SMIM36: variants seen among roughly 807,000 people sequenced by gnomAD.
SMIM36 encodes small integral membrane protein 36.
chr17:55,492,011 T>C (rs1909714796), intron 1 of SMIM36, among the ~76,000 whole-genome samples: 1 of 151,446 alleles, frequency 6.6e-6, no homozygotes, highest in Non-Finnish European at 1.5e-5. Context: ...CACAAAAAAT[T>C]AGCTGGGCGT....
chr17:55,480,805 A>C (rs949682587), intron 1 of SMIM36, among the ~76,000 whole-genome samples: 2 of 152,170 alleles, frequency 1.3e-5, no homozygotes, highest in East Asian at 3.9e-4. Flanking sequence ...GCATTGCCTC[A>C]TGATCATCAC....
At chr17:55,494,326 T>TA (rs60572545) in intron 1 of SMIM36, among the ~76,000 whole-genome samples, 7,472 of 152,184 alleles carry the variant, frequency 0.049, 277 homozygotes, top group African/African-American at 0.095. Context: ...CTTTGTGTAT[T>TA]AAAAAACTCA....
intron 4 of SMIM36, among the ~76,000 whole-genome samples, chr17:55,466,481 T>A (rs1315027661): frequency 6.6e-6 from 1 of 151,922 alleles, no homozygotes; most frequent in Non-Finnish European, 1.5e-5. Flanking sequence ...ACAAAAGAAG[T>A]TACAAATAAT....
intron 1 of SMIM36, among the ~76,000 whole-genome samples, chr17:55,488,099 A>G (rs1334991311): frequency 2.0e-5 from 3 of 152,242 alleles, no homozygotes; most frequent in Admixed American, 6.5e-5. Flanking sequence ...GAGGGCAATG[A>G]CATGGCCCAG....
chr17:55,488,211 G>C (rs1306860794), intron 1 of SMIM36, among the ~76,000 whole-genome samples: 3 of 152,208 alleles, frequency 2.0e-5, no homozygotes, highest in Non-Finnish European at 4.4e-5. Context: ...TTCTGCAGTA[G>C]AGACTGGAAA....
chr17:55,496,300 G>A (rs1186112395), intron 1 of SMIM36, among the ~76,000 whole-genome samples: 1 of 152,066 alleles, frequency 6.6e-6, no homozygotes, highest in Non-Finnish European at 1.5e-5. Context: ...AATTGCAGTT[G>A]AGGCCACCAG....
intron 3 of SMIM36, among the ~76,000 whole-genome samples, chr17:55,473,899 C>T (rs564199429): frequency 7.2e-5 from 11 of 152,228 alleles, no homozygotes; most frequent in Admixed American, 3.9e-4. Flanking sequence ...GACAGCCCGG[C>T]GCGTCACCCT....
the SMIM36 span, among the ~76,000 whole-genome samples, chr17:55,525,169 A>T: frequency 6.6e-6 from 1 of 152,212 alleles, no homozygotes; most frequent in African/African-American, 2.4e-5. Context: ...TGTAACATTG[A>T]GATGTGCTAG....
rs560650506 is a variant in SMIM36 at position 55,501,819 on chromosome 17, G to A, written c.*174+9060C>T. On this transcript the variant is annotated intron_variant, in intron 1 of 4. Coordinates refer to ENST00000636752, the Ensembl canonical transcript of SMIM36. ...TTTCTGCATTTCCATCTGAGGTACC[G>A]GGTTCATCTCACTAGGGAGTGCCAG... is the stretch of plus-strand genomic sequence containing the variant. Among the ~76,000 whole-genome samples the A allele has an allele frequency of 1.0e-2, 1,511 of 151,212 alleles. 17 individuals are homozygous for A. Among genetic ancestry groups the A allele is most frequent in the African/African-American group, 0.034 (1,415 of 41,122 alleles).
At chr17:55,488,965 G>T (rs897212180) in intron 1 of SMIM36, among the ~76,000 whole-genome samples, 1 of 151,958 alleles carries the variant, frequency 6.6e-6, no homozygotes, top group Non-Finnish European at 1.5e-5. Flanking sequence ...TATGGGTCTG[G>T]CAAATATCCA....
At chr17:55,511,055 A>G in exon 1 of SMIM36, 1 of 398,456 alleles carries the variant, frequency 2.5e-6, no homozygotes, top group East Asian at 3.6e-5. Flanking sequence ...AGCCAGCCTC[A>G]TACCATGGTG....
At chr17:55,469,239 C>T (rs531162154) in intron 3 of SMIM36, among the ~76,000 whole-genome samples, 3 of 152,278 alleles carry the variant, frequency 2.0e-5, no homozygotes, top group Admixed American at 2.0e-4. Flanking sequence ...CTTACAGTTT[C>T]GTTCCGCGAC....
chr17:55,501,715 TC>T (rs1312139085), intron 1 of SMIM36, among the ~76,000 whole-genome samples: 2 of 122,950 alleles, frequency 1.6e-5, no homozygotes, highest in African/African-American at 6.5e-5. Context: ...ATACATACAT[TC>T]GGGGAGGAGC....
intron 1 of SMIM36, among the ~76,000 whole-genome samples, chr17:55,501,536 T>G (rs1227073091): frequency 1.7e-5 from 2 of 118,070 alleles, no homozygotes; most frequent in African/African-American, 6.6e-5. Flanking sequence ...TGTATATAAT[T>G]ATATACAATA....
rs1256447657 is a variant in SMIM36, at chr17:55,500,885, ATATATTATAATATAT to A, written c.*174+9979_*174+9993del. On this transcript the variant is annotated intron_variant, in intron 1 of 4. Coordinates refer to ENST00000636752, the Ensembl canonical transcript of SMIM36. Reference sequence around the variant, plus strand: ...ATTATAATATATTATATTTTATAATATATATTATAATATATTATATTATAATATATTATAATATAT... The same window carrying A: ...ATTATAATATATTATATTTTATAATATATATTATAATATATTATAATATAT... 2.1e-3 allele frequency among the ~76,000 whole-genome samples: 47 copies of A among 22,086 alleles called. 12 individuals carry two copies. The African/African-American group carries it at 0.031, about 15-fold the overall frequency. 14.5% of individuals were successfully genotyped at this position (22,086 alleles called of 152,430 possible).
chr17:55,470,322 T>C (rs953218181), intron 3 of SMIM36, among the ~76,000 whole-genome samples: 8 of 152,208 alleles, frequency 5.3e-5, no homozygotes, highest in African/African-American at 1.9e-4. Flanking sequence ...TGACACTGCC[T>C]GATCGCCTTG....
At chr17:55,498,339 C>T (rs948557058) in intron 1 of SMIM36, among the ~76,000 whole-genome samples, 1 of 152,134 alleles carries the variant, frequency 6.6e-6, no homozygotes, top group Non-Finnish European at 1.5e-5. Context: ...ATAACAGACA[C>T]TACGTTTTCT....
the SMIM36 span, among the ~76,000 whole-genome samples, chr17:55,530,210 T>C: frequency 5.8e-4 from 88 of 152,294 alleles, no homozygotes; most frequent in Non-Finnish European, 7.9e-4. Flanking sequence ...GGAACCCAAT[T>C]TGGCTTCCAG....
chr17:55,480,240 C>T (rs1312652827), intron 1 of SMIM36, among the ~76,000 whole-genome samples: 1 of 126,962 alleles, frequency 7.9e-6, no homozygotes, highest in African/African-American at 3.0e-5. Flanking sequence ...ATGGAGCGTT[C>T]TAAAAAAAAA....
Sources: allele counts gnomAD v4.1 joint callset (sites outside exome capture counted in the v4.1 genomes callset), GRCh38; gene constraint gnomAD v4.1.1; transcripts MANE v1.5; gene names NCBI Gene and HGNC (gene_info 2026-07-23, HGNC 2026-07-21).